CUBN: variants seen among roughly 807,000 people sequenced by gnomAD.
CUBN encodes cubilin.
Under a neutral mutation model 405.3 loss-of-function variants are expected in CUBN, and 282 were observed. The observed-to-expected ratio is 0.70, with a 90% CI of 0.63 to 0.77. The LOEUF is 0.77. CUBN is among the 30% of genes least tolerant of loss of function. The pLI, the probability that CUBN is intolerant of heterozygous loss-of-function variation, is 0.00. For missense variants in CUBN, 4,514 were observed against 4,475.2 expected (o/e 1.01, Z -0.25); for synonymous variants, 1,684 against 1,617.0 (o/e 1.04, Z -0.99).
chr10:16,969,550 T>G (rs1358407306), intron 31 of CUBN, among the ~76,000 whole-genome samples: 1 of 152,158 alleles, frequency 6.6e-6, no homozygotes. Flanking sequence ...AGACGGGGTT[T>G]CATCATGTTG....
At chr10:16,941,509 A>G (rs999743129) in intron 36 of CUBN, among the ~76,000 whole-genome samples, 2 of 152,180 alleles carry the variant, frequency 1.3e-5, no homozygotes, top group African/African-American at 2.4e-5. Context: ...AAATTAATAA[A>G]TTTGAATTCA....
intron 17 of CUBN, among the ~76,000 whole-genome samples, chr10:17,072,708 A>T (rs951926445): frequency 6.6e-6 from 1 of 152,196 alleles, no homozygotes; most frequent in Admixed American, 6.5e-5. Flanking sequence ...GGGGATATAA[A>T]AGACAAATCT....
At position 17,068,718 on chromosome 10, in the gene CUBN, G is replaced by C; in HGVS notation, c.2678C>G (p.Thr893Arg). 2 of 1,612,228 alleles carry C rather than the reference G, an allele frequency of 1.2e-6. No homozygotes were observed. Among genetic ancestry groups the C allele is most frequent in the Non-Finnish European group, 1.7e-6 (2 of 1,178,508 alleles). ...GSPENKKYCG[T>R]DIPSFITSVY... ...AGATGTTATAAATGAAGGTATGTCT[G>C]TACCGCAATACTTTTTATTTTCAGG... Residue 893 changes from threonine to arginine, a missense_variant, in exon 20 of 67, where the codon ACA becomes AGA. Coordinates refer to ENST00000377833, the MANE Select transcript of CUBN (RefSeq NM_001081.4).
intron 56 of CUBN, among the ~76,000 whole-genome samples, chr10:16,886,913 C>G (rs531940689): frequency 7.9e-5 from 12 of 152,172 alleles, no homozygotes; most frequent in Non-Finnish European, 1.3e-4. Flanking sequence ...CTCAGCCTCC[C>G]GAGTAGCTGG....
chr10:16,937,548 C>A (rs1564434343), intron 39 of CUBN, 44 bp downstream of exon 39: 1 of 1,536,168 alleles, frequency 6.5e-7, no homozygotes, highest in Non-Finnish European at 9.0e-7. Context: ...CATTGGCCTG[C>A]ACATATCAGT....
At chr10:16,982,689 A>G (rs748860196) in intron 30 of CUBN, 36 bp from the exon 31 acceptor site, 1 of 1,575,760 alleles carries the variant, frequency 6.3e-7, no homozygotes, top group Non-Finnish European at 8.7e-7. Flanking sequence ...CATGAGAGGA[A>G]TCATGGATGC....
chr10:17,006,504 G>A (rs943578242), intron 28 of CUBN, among the ~76,000 whole-genome samples: 1 of 151,990 alleles, frequency 6.6e-6, no homozygotes, highest in Admixed American at 6.5e-5. Flanking sequence ...AGTCACAAAA[G>A]GAATAAAATT....
At chr10:16,952,154 C>G in intron 33 of CUBN, 122 bp downstream of exon 33, 2 of 734,566 alleles carry the variant, frequency 2.7e-6, no homozygotes, top group East Asian at 2.7e-5. Flanking sequence ...TTGGGACTTG[C>G]AAAAGATGAA....
At chr10:17,116,116 T>C (rs1836891167) in intron 6 of CUBN, among the ~76,000 whole-genome samples, 1 of 152,250 alleles carries the variant, frequency 6.6e-6, no homozygotes, top group Admixed American at 6.5e-5. Context: ...ATATGTCTTC[T>C]ATCCATAAAA....
chr10:17,026,588 C>T (rs375195711), intron 27 of CUBN, among the ~76,000 whole-genome samples: 3 of 151,336 alleles, frequency 2.0e-5, no homozygotes, highest in South Asian at 2.1e-4. Flanking sequence ...GAGCCGAGAT[C>T]GCACCACTGC....
intron 28 of CUBN, among the ~76,000 whole-genome samples, chr10:17,016,003 G>C (rs1192987461): frequency 2.0e-5 from 3 of 152,138 alleles, no homozygotes; most frequent in African/African-American, 7.2e-5. Context: ...AGGTTACCAG[G>C]TTTAATAATG....
chr10:16,881,433 G>C (rs1251876715), intron 56 of CUBN, among the ~76,000 whole-genome samples: 1 of 152,170 alleles, frequency 6.6e-6, no homozygotes, highest in African/African-American at 2.4e-5. Flanking sequence ...AGTGGTACGA[G>C]ACATAATCAA....
At chr10:16,905,585 G>A (rs1317191349) in intron 50 of CUBN, among the ~76,000 whole-genome samples, 1 of 152,138 alleles carries the variant, frequency 6.6e-6, no homozygotes, top group Non-Finnish European at 1.5e-5. Context: ...CCTTGGAAAG[G>A]AGTCTTGATA....
chr10:16,848,813 C>G lies in CUBN; in HGVS notation c.9663+2422G>C, dbSNP rs911192024. The stretch of plus-strand genomic sequence containing the variant: ...ACCTTCTGGGTTCAGGGGATCCTTC[C>G]ACCTCAGTCTCCCGAGAAGCTGGTA... On this transcript the variant is annotated intron_variant, in intron 60 of 66. Transcript: ENST00000377833. Among the ~76,000 whole-genome samples, 5 of 147,878 alleles carry G rather than the reference C, an allele frequency of 3.4e-5. No individual in the cohort carries two copies. The East Asian group carries it at 1.0e-3, about 30-fold the overall frequency.
At chr10:17,088,386 G>T in intron 14 of CUBN, 41 bp from the exon 15 acceptor site, 1 of 1,522,532 alleles carries the variant, frequency 6.6e-7, no homozygotes, top group Non-Finnish European at 9.1e-7. Context: ...TTGTATAGAT[G>T]CTATAATTTA....
intron 31 of CUBN, among the ~76,000 whole-genome samples, chr10:16,956,719 T>G (rs2131637909): frequency 6.6e-6 from 1 of 152,298 alleles, no homozygotes; most frequent in South Asian, 2.1e-4. Flanking sequence ...ACATCTGTGG[T>G]TACAGAGTAT....
chr10:16,993,668 CTTT>C (rs1203311608), intron 28 of CUBN, among the ~76,000 whole-genome samples: 1 of 140,828 alleles, frequency 7.1e-6, no homozygotes. Context: ...TTTTTCTTTT[CTTT>C]TTTTTTTTTT....
At chr10:17,115,834 T>C (rs1158806940) in intron 6 of CUBN, among the ~76,000 whole-genome samples, 1 of 152,228 alleles carries the variant, frequency 6.6e-6, no homozygotes, top group Non-Finnish European at 1.5e-5. Context: ...CTGGTAAGCC[T>C]AGCACTATAA....
rs565338228 is a variant in CUBN at position 16,928,157 on chromosome 10, T to A, written c.6271A>T (p.Ser2091Cys). Residue 2091 changes from serine to cysteine, a missense_variant and splice_region_variant, in exon 41 of 67, where the codon AGC (serine) becomes TGC (cysteine). Around this residue, in one of 5 missense-constraint regions of CUBN, gnomAD observed 1,613 missense variants for 1,542.8 expected, o/e 1.05. Coordinates refer to ENST00000377833, the MANE Select transcript of CUBN (RefSeq NM_001081.4). Reference protein sequence around the residue: ...RAGFNASFHKSCGGYLHADRG... With the variant: ...RAGFNASFHKCCGGYLHADRG... ...ATTAAAAAATATTTGAACTCATTAC[T>A]CTTGTGAAAGGATGCATTGAAGCCT... is the stretch of plus-strand genomic sequence containing the variant. The A allele has an allele frequency of 5.6e-6, 9 of 1,613,614 alleles. No homozygotes were observed. The South Asian group carries it at 8.8e-5, about 16-fold the overall frequency.
Sources: gnomAD v4.1 joint callset for allele counts (sites outside exome capture counted in the v4.1 genomes callset) on GRCh38, gnomAD v4.1.1 for gene constraint, gnomAD v4.1.1 regional missense constraint, MANE v1.5 for transcripts, NCBI Gene and HGNC (gene_info 2026-07-23, HGNC 2026-07-21) for gene names.